The following TRHDE variants were observed in gnomAD, a reference collection of about 807,000 sequenced individuals.
TRHDE encodes thyrotropin releasing hormone degrading enzyme.
Under a neutral mutation model 125.7 loss-of-function variants are expected in TRHDE, and 72 were observed. That is an observed-to-expected ratio of 0.57 (90% CI 0.47 to 0.70). The LOEUF (loss-of-function observed/expected upper bound fraction) is 0.70. Ranked by LOEUF, TRHDE falls within the 30% of genes least tolerant of loss-of-function variation. TRHDE has a pLI of 0.00. For missense variants in TRHDE, 1,110 were observed against 1,327.1 expected, an observed-to-expected ratio of 0.84 and a Z score of 2.54; for synonymous variants, 509 against 509.1, an observed-to-expected ratio of 1.00 and a Z score of 0.00.
intron 2 of TRHDE, among the ~76,000 whole-genome samples, chr12:72,295,017 G>A (rs1472218881): frequency 6.6e-6 from 1 of 151,904 alleles, no homozygotes; most frequent in Non-Finnish European, 1.5e-5. Flanking sequence ...TTCTGAGCCT[G>A]CAAGGGCAAG....
intron 4 of TRHDE, among the ~76,000 whole-genome samples, chr12:72,470,431 G>C (rs2135898172): frequency 6.6e-6 from 1 of 152,206 alleles, no homozygotes; most frequent in East Asian, 1.9e-4. Context: ...TTTTGTCTTG[G>C]CATGTTTAGA....
intron 3 of TRHDE, among the ~76,000 whole-genome samples, chr12:72,457,214 G>A (rs1052214235): frequency 1.8e-4 from 27 of 152,144 alleles, no homozygotes; most frequent in Admixed American, 1.2e-3. Context: ...TATGCAGGCC[G>A]AGGACTAAAT....
In TRHDE at chr12:72,272,623, G is replaced by A; in HGVS notation, c.-21G>A. 1 of 880,990 alleles carries A rather than the reference G, an allele frequency of 1.1e-6. No individual in the cohort carries two copies. The allele number at this position is 880,990 out of a possible 1,614,324, so 54.6% of individuals were successfully genotyped here. A position where few individuals can be genotyped will look rare whatever the true frequency, so the allele number is the denominator to read the frequency against. The stretch of plus-strand genomic sequence containing the variant: ...CGCGGGGGGTGCCAGAGGGGGCGGG[G>A]GAGGAGGAGGAGGCGGTGTGATGGC... On this transcript the variant is annotated 5_prime_UTR_variant, in exon 1 of 19. Transcript: ENST00000261180. The surrounding 1 kb of genome is among the most constrained non-coding windows in gnomAD (Gnocchi z 6.7).
chr12:72,374,292 AGTGTGT>A (rs148577049), intron 2 of TRHDE, among the ~76,000 whole-genome samples: 4,081 of 134,036 alleles, frequency 0.03, 58 homozygotes, highest in Admixed American at 0.045. Flanking sequence ...TAGAAGGAGA[AGTGTGT>A]GTGTGTGTGT....
chr12:72,401,397 G>A (rs1873036173), intron 3 of TRHDE, among the ~76,000 whole-genome samples: 1 of 152,106 alleles, frequency 6.6e-6, no homozygotes, highest in African/African-American at 2.4e-5. Flanking sequence ...TTTTAAAGAG[G>A]TTGAGCAGCT....
intron 2 of TRHDE, among the ~76,000 whole-genome samples, chr12:72,336,678 C>T (rs543533877): frequency 1.7e-4 from 26 of 152,252 alleles, no homozygotes; most frequent in Admixed American, 1.5e-3. Context: ...CTGGTGAGGG[C>T]CTTTGTGCTG....
chr12:72,656,989 C>T lies in TRHDE; in HGVS notation c.3047C>T (p.Thr1016Ile). The change falls in exon 18 of 19, where the codon ACT becomes ATT. Residue 1016 changes from threonine to isoleucine, a missense_variant. This residue lies in a region of TRHDE where 527 missense variants were observed against 651.8 expected (regional missense o/e 0.81). Transcript: ENST00000261180. ...AGTGGTGTCACAGAATTTCTTAATA[C>T]TGAAGGTGAACTCAAAGAGGTAAAT... ...LISGVTEFLN[T>I]EGELKELKNF... The T allele has an allele frequency of 6.2e-7, 1 of 1,603,996 alleles. No individual in the cohort carries two copies. The highest frequency in any genetic ancestry group is 1.1e-5 in the South Asian group (1 of 90,532).
intron 2 of TRHDE, among the ~76,000 whole-genome samples, chr12:72,112,159 G>C (rs1354433943): frequency 6.6e-6 from 1 of 152,150 alleles, no homozygotes; most frequent in Admixed American, 6.6e-5. Context: ...GGACTGTGAA[G>C]TGAGTTTTAA....
At chr12:72,443,537 G>A (rs946627558) in intron 3 of TRHDE, among the ~76,000 whole-genome samples, 3 of 151,672 alleles carry the variant, frequency 2.0e-5, no homozygotes, top group Admixed American at 2.0e-4. Flanking sequence ...CATAACAATG[G>A]TAATGAAGTA....
chr12:72,639,117 T>G (rs1192410330), intron 15 of TRHDE, among the ~76,000 whole-genome samples: 2 of 151,312 alleles, frequency 1.3e-5, no homozygotes, highest in Non-Finnish European at 3.0e-5. Flanking sequence ...CTTGGTTCCA[T>G]TCTCCCCATC....
chr12:72,166,907 C>CAT (rs1491238877), intron 2 of TRHDE, among the ~76,000 whole-genome samples: 8 of 139,234 alleles, frequency 5.7e-5, no homozygotes, highest in African/African-American at 2.2e-4. Flanking sequence ...GGTAGATGAA[C>CAT]GTGTGTGTGT....
At chr12:72,132,677 A>G (rs370620793) in intron 2 of TRHDE, among the ~76,000 whole-genome samples, 5 of 152,168 alleles carry the variant, frequency 3.3e-5, no homozygotes, top group South Asian at 4.1e-4. Flanking sequence ...GTTTATTTCA[A>G]TAAGTATTTA....
chr12:72,200,485 A>AT (rs1347820516), intron 2 of TRHDE, among the ~76,000 whole-genome samples: 1 of 152,004 alleles, frequency 6.6e-6, no homozygotes, highest in South Asian at 2.1e-4. Flanking sequence ...TTCTACAAAA[A>AT]TTTTTTTTGA....
At chr12:72,307,965 A>AT (rs879374035) in intron 2 of TRHDE, among the ~76,000 whole-genome samples, 23 of 151,682 alleles carry the variant, frequency 1.5e-4, no homozygotes, top group South Asian at 4.2e-4. Flanking sequence ...TTAAGGTAGG[A>AT]TTTTTTTTTG....
chr12:72,413,518 T>TC (rs1873601461), intron 3 of TRHDE, among the ~76,000 whole-genome samples: 1 of 151,822 alleles, frequency 6.6e-6, no homozygotes, highest in African/African-American at 2.4e-5. Context: ...TTAAAATTAT[T>TC]ATTAGCTCTA....
intron 2 of TRHDE, among the ~76,000 whole-genome samples, chr12:72,349,084 A>G (rs1870462663): frequency 6.6e-6 from 1 of 152,016 alleles, no homozygotes; most frequent in Admixed American, 6.6e-5. Flanking sequence ...ATTGTAAGTG[A>G]TGTAATCCTG....
intron 2 of TRHDE, among the ~76,000 whole-genome samples, chr12:72,330,925 C>T (rs1869563789): frequency 6.6e-6 from 1 of 152,082 alleles, no homozygotes; most frequent in African/African-American, 2.4e-5. Flanking sequence ...GATTCTAATT[C>T]AAGAGGTCTG....
At chr12:72,482,629 A>C (rs1877224317) in intron 5 of TRHDE, among the ~76,000 whole-genome samples, 1 of 151,934 alleles carries the variant, frequency 6.6e-6, no homozygotes, top group Admixed American at 6.6e-5. Context: ...TTACTTAAAT[A>C]GCAGATTTCT....
At chr12:72,624,508 T>C (rs1873178400) in intron 15 of TRHDE, among the ~76,000 whole-genome samples, 1 of 151,904 alleles carries the variant, frequency 6.6e-6, no homozygotes, top group Non-Finnish European at 1.5e-5. Context: ...ATAATCTTGA[T>C]ACATTGGGGA....
Sources: gnomAD v4.1 joint callset for allele counts (sites outside exome capture counted in the v4.1 genomes callset) on GRCh38, gnomAD v4.1.1 for gene constraint, gnomAD v4.1.1 regional missense constraint, Gnocchi (gnomAD v3.1) non-coding constraint, MANE v1.5 for transcripts, NCBI Gene and HGNC (gene_info 2026-07-23, HGNC 2026-07-21) for gene names.